Variants in FAXC observed in about 807,000 individuals in gnomAD.
FAXC encodes failed axon connections homolog.
Under a neutral mutation model 41.9 loss-of-function variants are expected in FAXC, and 10 were observed. The ratio of observed to expected loss-of-function variants is 0.24; its 90% CI spans 0.15 to 0.41. The LOEUF is 0.41. FAXC is among the 10% of genes least tolerant of loss of function. The pLI is 1.00. For synonymous variants in FAXC, 183 were observed against 183.8 expected (o/e 1.00, Z 0.03); for missense variants, 399 against 510.9 (o/e 0.78, Z 2.11).
chr6:99,280,037 A>C lies in FAXC; in HGVS notation c.*1127T>G, dbSNP rs148942577. On this transcript the variant is annotated 3_prime_UTR_variant, in exon 6 of 6. Coordinates refer to ENST00000389677, the MANE Select transcript of FAXC (RefSeq NM_032511.4). ...GAAATACTTTCCCTTCAACTCTATG[A>C]AACCTGCCATATACCTGAGATTTAT... The C allele has an allele frequency of 6.6e-6, 1 of 152,356 alleles. No individual in the cohort carries two copies. The highest frequency in any genetic ancestry group is 1.9e-4 in the East Asian group (1 of 5,186). 9.4% of individuals were successfully genotyped at this position (152,356 alleles called of 1,614,324 possible).
chr6:99,280,376 T>G lies in FAXC; in HGVS notation c.*788A>C, dbSNP rs1301671254. ...TATGGAATTCCTTTGCCCTCAAATCTTCACATGCATGAAGTGCAATAAAGA... is the reference window on the plus strand; with the variant it reads ...TATGGAATTCCTTTGCCCTCAAATCGTCACATGCATGAAGTGCAATAAAGA... On this transcript the variant is annotated 3_prime_UTR_variant, in exon 6 of 6. Transcript: ENST00000389677. 6.6e-6 allele frequency: 1 copy of G among 152,262 alleles called. No individual in the cohort carries two copies. The highest frequency in any genetic ancestry group is 2.4e-5 in the African/African-American group (1 of 41,456). The allele number at this position is 152,262 out of a possible 1,614,324, so 9.4% of individuals were successfully genotyped here. A position where few individuals can be genotyped will look rare whatever the true frequency, so the allele number is the denominator to read the frequency against.
At chr6:99,293,732 G>GTT (rs1771351223) in intron 4 of FAXC, among the ~76,000 whole-genome samples, 1 of 146,580 alleles carries the variant, frequency 6.8e-6, no homozygotes, top group Non-Finnish European at 1.5e-5. Flanking sequence ...GTGTGTGTGT[G>GTT]TGTGCATTTT....
At chr6:99,284,183 T>G (rs962265557) in intron 5 of FAXC, 1 of 152,214 alleles carries the variant, frequency 6.6e-6, no homozygotes, top group Non-Finnish European at 1.5e-5. Context: ...GCTGACAGCA[T>G]GGCCTGGGAA....
intron 4 of FAXC, among the ~76,000 whole-genome samples, chr6:99,297,563 T>G (rs760210941): frequency 6.6e-6 from 1 of 152,056 alleles, no homozygotes; most frequent in South Asian, 2.1e-4. Context: ...GGGGGTGCCA[T>G]ACGCAGCATA....
chr6:99,349,854 CCG>C (rs1211309481), upstream of FAXC, among the ~76,000 whole-genome samples: 1 of 152,020 alleles, frequency 6.6e-6, no homozygotes, highest in Admixed American at 6.5e-5. Flanking sequence ...AAACCGCTCG[CCG>C]CGCGCGGGCA....
chr6:99,314,096 C>A (rs1485071178), intron 4 of FAXC, among the ~76,000 whole-genome samples: 2 of 152,074 alleles, frequency 1.3e-5, no homozygotes, highest in Non-Finnish European at 2.9e-5. Context: ...CAACTCCTGG[C>A]CTCAAGCGAT....
At chr6:99,302,246 G>C (rs895176962) in intron 4 of FAXC, among the ~76,000 whole-genome samples, 2 of 152,208 alleles carry the variant, frequency 1.3e-5, no homozygotes, top group Admixed American at 1.3e-4. Flanking sequence ...GCTTCTGTCA[G>C]AGCAAACAAG....
At chr6:99,305,152 AT>A (rs1771870224) in intron 4 of FAXC, among the ~76,000 whole-genome samples, 1 of 152,142 alleles carries the variant, frequency 6.6e-6, no homozygotes, top group Non-Finnish European at 1.5e-5. Flanking sequence ...AGGAGTTTGA[AT>A]TTTAGCCTAA....
chr6:99,335,961 T>TA (rs1002873029), intron 2 of FAXC, among the ~76,000 whole-genome samples: 11 of 151,236 alleles, frequency 7.3e-5, no homozygotes, highest in African/African-American at 1.7e-4. Flanking sequence ...AAAAACATTT[T>TA]AAAAAAAAAG....
Position 99,272,678 on chromosome 6 carries a change from TTTC to T in FAXC, c.*8483_*8485del, listed in dbSNP as rs1203988869. 6.6e-6 allele frequency: 1 copy of T among 152,194 alleles called. No individual in the cohort carries two copies. Among genetic ancestry groups the T allele is most frequent in the Non-Finnish European group, 1.5e-5 (1 of 68,034 alleles). The allele number at this position is 152,194 out of a possible 1,614,324, so 9.4% of individuals were successfully genotyped here. A position where few individuals can be genotyped will look rare whatever the true frequency, so the allele number is the denominator to read the frequency against. On this transcript the variant is annotated 3_prime_UTR_variant, in exon 6 of 6. Coordinates refer to ENST00000389677, the MANE Select transcript of FAXC (RefSeq NM_032511.4). ...GGACAGCATATTCCAGAGATCTGTT[TTTC>T]TTCTTAAAAGCCACTCACTTGAAAT...
intron 5 of FAXC, among the ~76,000 whole-genome samples, chr6:99,290,101 CCA>C (rs34319104): frequency 0.046 from 6,585 of 142,494 alleles, 177 homozygotes; most frequent in Admixed American, 0.073. Context: ...CCCTACCCCA[CCA>C]CACACACACA....
At chr6:99,289,900 T>C (rs1425688936) in intron 5 of FAXC, among the ~76,000 whole-genome samples, 8 of 152,016 alleles carry the variant, frequency 5.3e-5, no homozygotes, top group Non-Finnish European at 1.0e-4. Flanking sequence ...ATATGGCTGA[T>C]TGGGAACTAT....
chr6:99,296,594 C>T (rs1203409955), intron 4 of FAXC, among the ~76,000 whole-genome samples: 2 of 152,164 alleles, frequency 1.3e-5, no homozygotes, highest in Non-Finnish European at 2.9e-5. Context: ...CTTCTAAGCA[C>T]CCAGAACACC....
intron 2 of FAXC, among the ~76,000 whole-genome samples, chr6:99,334,423 G>C (rs1339570289): frequency 6.6e-6 from 1 of 152,092 alleles, no homozygotes; most frequent in Non-Finnish European, 1.5e-5. Flanking sequence ...AATAGAACTG[G>C]GTCAAGATTT....
intron 4 of FAXC, among the ~76,000 whole-genome samples, chr6:99,292,918 T>C (rs1444536008): frequency 6.6e-6 from 1 of 152,174 alleles, no homozygotes; most frequent in Non-Finnish European, 1.5e-5. Flanking sequence ...GTGAGTCTCC[T>C]GCCTCAGTCT....
rs531129787 is a variant in FAXC at position 99,335,061 on chromosome 6, T to C, written c.403-1514A>G. Among the ~76,000 whole-genome samples, 28 of 152,324 alleles carry C rather than the reference T, an allele frequency of 1.8e-4. No individual in the cohort carries two copies. In the East Asian group the frequency reaches 3.5e-3, roughly 19 times the overall value. Reference sequence around the variant, plus strand: ...GTTCAAATCTCACCTTGTTACATAATTATTTCCCCAGGATACAACCATTAT... The same window carrying C: ...GTTCAAATCTCACCTTGTTACATAACTATTTCCCCAGGATACAACCATTAT... On this transcript the variant is annotated intron_variant, in intron 2 of 5. Transcript: ENST00000389677.
chr6:99,294,228 G>A (rs982251983), intron 4 of FAXC, among the ~76,000 whole-genome samples: 6 of 152,156 alleles, frequency 3.9e-5, no homozygotes, highest in Admixed American at 6.5e-5. Context: ...AGTACCAACC[G>A]GACAGAAATA....
intron 4 of FAXC, among the ~76,000 whole-genome samples, chr6:99,296,897 T>A (rs1771519761): frequency 6.6e-6 from 1 of 152,040 alleles, no homozygotes; most frequent in Admixed American, 6.6e-5. Flanking sequence ...TCATATGACC[T>A]CTCCTGGGTG....
chr6:99,290,136 C>CACACAT (rs1395467032), intron 5 of FAXC, among the ~76,000 whole-genome samples: 4 of 150,440 alleles, frequency 2.7e-5, no homozygotes, highest in African/African-American at 9.8e-5. Flanking sequence ...CACACACACA[C>CACACAT]ATACACACAC....
Sources: gnomAD v4.1 joint callset for allele counts (sites outside exome capture counted in the v4.1 genomes callset) on GRCh38, gnomAD v4.1.1 for gene constraint, MANE v1.5 for transcripts, NCBI Gene and HGNC (gene_info 2026-07-23, HGNC 2026-07-21) for gene names.